Variants in DYNC2H1 observed in about 807,000 individuals in gnomAD.
The protein encoded by DYNC2H1 is cytoplasmic dynein 2 heavy chain 1.
A neutral mutation model predicts 570.0 loss-of-function variants in DYNC2H1; 410 were observed. The observed-to-expected ratio is 0.72, with a 90% CI of 0.66 to 0.78. The LOEUF (loss-of-function observed/expected upper bound fraction) is 0.78. Among genes scored for constraint, DYNC2H1 ranks in the 30% least tolerant of loss-of-function variants. DYNC2H1 has a pLI of 0.00. For synonymous variants in DYNC2H1, 1,688 were observed against 1,677.6 expected (o/e 1.01, Z -0.15); for missense variants, 4,865 against 5,046.4 (o/e 0.96, Z 1.09).
intron 84 of DYNC2H1, among the ~76,000 whole-genome samples, chr11:103,435,136 G>T (rs1944016585): frequency 6.6e-6 from 1 of 151,976 alleles, no homozygotes; most frequent in South Asian, 2.1e-4. Flanking sequence ...GTTTTCTAAG[G>T]TCCTTTCTAC....
intron 70 of DYNC2H1, among the ~76,000 whole-genome samples, chr11:103,279,351 A>G (rs1866038693): frequency 1.3e-5 from 2 of 152,160 alleles, no homozygotes; most frequent in African/African-American, 4.8e-5. Flanking sequence ...AGTTCTTTGT[A>G]AATATATTAT....
chr11:103,197,131 A>G (rs1339470843), intron 47 of DYNC2H1, among the ~76,000 whole-genome samples: 2 of 150,608 alleles, frequency 1.3e-5, no homozygotes, highest in Non-Finnish European at 3.0e-5. Context: ...AAATTTGGTC[A>G]GTTTTTTTTT....
chr11:103,151,678 T>C lies in DYNC2H1; in HGVS notation c.2947-458T>C, dbSNP rs1369066913. On this transcript the variant is annotated intron_variant, in intron 20 of 88. Coordinates refer to ENST00000375735, the MANE Select transcript of DYNC2H1 (RefSeq NM_001377.3). The surrounding 1 kb of genome is among the most constrained non-coding windows in gnomAD (Gnocchi z 4.6). Reference sequence around the variant, plus strand: ...TAATTTCACTTCTTTAGTTGTCTGTTTCTTAAGTACCTTTTTTCATGACTT... The same window carrying C: ...TAATTTCACTTCTTTAGTTGTCTGTCTCTTAAGTACCTTTTTTCATGACTT... Among the ~76,000 whole-genome samples the C allele has an allele frequency of 6.6e-6, 1 of 152,182 alleles. No individual in the cohort carries two copies. Among genetic ancestry groups the C allele is most frequent in the Non-Finnish European group, 1.5e-5 (1 of 68,034 alleles).
intron 70 of DYNC2H1, among the ~76,000 whole-genome samples, chr11:103,279,764 T>C (rs887478096): frequency 1.3e-5 from 2 of 152,212 alleles, no homozygotes; most frequent in African/African-American, 4.8e-5. Flanking sequence ...TTCTGTATTA[T>C]CTAACCTCAA....
chr11:103,121,105 C>A, intron 9 of DYNC2H1, 69 bp downstream of exon 9: 1 of 1,030,524 alleles, frequency 9.7e-7, no homozygotes, highest in Non-Finnish European at 1.4e-6. Context: ...TTCTTCGTTG[C>A]ATACCATTTA....
rs187444581 is a variant in DYNC2H1, at chr11:103,345,906, G to T, written c.12040-12337G>T. ...GGCAATTGTTATTAATAAAATTTCTGATTAGCTTTAGTTCTGTAAAAGTTA... is the reference window on the plus strand; with the variant it reads ...GGCAATTGTTATTAATAAAATTTCTTATTAGCTTTAGTTCTGTAAAAGTTA... On this transcript the variant is annotated intron_variant, in intron 82 of 88. Coordinates refer to ENST00000375735, the MANE Select transcript of DYNC2H1 (RefSeq NM_001377.3). Among the ~76,000 whole-genome samples, 4 of 152,234 alleles carry T rather than the reference G, an allele frequency of 2.6e-5. No individual in the cohort carries two copies. In the East Asian group the frequency reaches 7.7e-4, roughly 29 times the overall value.
chr11:103,405,124 C>G (rs922784415), intron 84 of DYNC2H1: 2 of 151,622 alleles, frequency 1.3e-5, no homozygotes, highest in African/African-American at 4.8e-5. Context: ...AGGATATAGA[C>G]TTCAGGGTGA....
chr11:103,412,297 G>T (rs954340323), intron 84 of DYNC2H1, among the ~76,000 whole-genome samples: 30 of 152,042 alleles, frequency 2.0e-4, no homozygotes, highest in Admixed American at 9.2e-4. Flanking sequence ...AGAGAATAAT[G>T]ACTTTTATTT....
chr11:103,174,518 G>C (rs1314925307), intron 36 of DYNC2H1, among the ~76,000 whole-genome samples: 1 of 152,112 alleles, frequency 6.6e-6, no homozygotes, highest in Non-Finnish European at 1.5e-5. Flanking sequence ...TCACCCAGTG[G>C]CTTGTTAAAA....
intron 84 of DYNC2H1, chr11:103,404,075 AATAATT>A (rs1478817333): frequency 1.3e-5 from 2 of 151,964 alleles, no homozygotes; most frequent in African/African-American, 4.8e-5. Context: ...TAATTAGGAA[AATAATT>A]ATAAGAGTAT....
intron 78 of DYNC2H1, among the ~76,000 whole-genome samples, chr11:103,310,673 CT>C (rs748144270): frequency 2.6e-5 from 1 of 39,124 alleles, no homozygotes; most frequent in African/African-American, 7.9e-5. Flanking sequence ...AGTGTATTTT[CT>C]TTTTTTTTTT....
At position 103,439,345 on chromosome 11, in the gene DYNC2H1, G is replaced by A. The variant is rs1256863711; in HGVS notation, c.12456+3313G>A. Among the ~76,000 whole-genome samples the A allele has an allele frequency of 1.3e-5, 2 of 151,934 alleles. No homozygotes were observed. The highest frequency in any genetic ancestry group is 2.9e-5 in the Non-Finnish European group (2 of 67,988). On this transcript the variant is annotated intron_variant, in intron 85 of 88. Transcript: ENST00000375735. This position sits in a 1 kb window ranked among gnomAD's most constrained non-coding sequence, Gnocchi z 4.1. ...GTTATACCAAAGTTATTGAAATTTT[G>A]TAAAAAAAATTAATAAAAAGTAAGC...
At chr11:103,314,772 GTTAGAGACAATTTTTA>G in intron 79 of DYNC2H1, among the ~76,000 whole-genome samples, 1 of 151,642 alleles carries the variant, frequency 6.6e-6, no homozygotes, top group East Asian at 1.9e-4. Context: ...CAATAGAATT[GTTAGAGACAATTTTTA>G]TTAGAGACAT....
Position 103,152,113 on chromosome 11 carries a change from G to GTTT in DYNC2H1, c.2947-12_2947-10dup, listed in dbSNP as rs10664799. On this transcript the variant is annotated intron_variant, in intron 20 of 88. Transcript: ENST00000375735. ...GATAAAATAGGTTGTTATTCAATTTGTTTTTTTTTTTTTAACCTTTAGATT... is the reference window on the plus strand; with the variant it reads ...GATAAAATAGGTTGTTATTCAATTTGTTTTTTTTTTTTTTTTAACCTTTAGATT... 0.049 allele frequency: 64,820 copies of GTTT among 1,330,394 alleles called. 17 individuals are homozygous for GTTT. The highest frequency in any genetic ancestry group is 0.052 in the Non-Finnish European group (50,593 of 979,342). The allele number at this position is 1,330,394 out of a possible 1,614,324, so 82.4% of individuals were successfully genotyped here. A position where few individuals can be genotyped will look rare whatever the true frequency, so the allele number is the denominator to read the frequency against.
chr11:103,143,417 C>T, intron 18 of DYNC2H1, 22 bp downstream of exon 18: 11 of 1,570,874 alleles, frequency 7.0e-6, no homozygotes, highest in Non-Finnish European at 9.5e-6. Context: ...TAATGTAGTA[C>T]TTACGTACCA....
chr11:103,110,451 A>T (rs1044367456), intron 1 of DYNC2H1, among the ~76,000 whole-genome samples: 1 of 149,784 alleles, frequency 6.7e-6, no homozygotes, highest in African/African-American at 2.5e-5. Flanking sequence ...TCTTTTTTGG[A>T]TCAGGCTCTG....
chr11:103,382,625 G>C (rs7949331), intron 83 of DYNC2H1, among the ~76,000 whole-genome samples: 99,705 of 151,962 alleles, frequency 0.66, 33,024 homozygotes, highest in Admixed American at 0.72. Context: ...ACCTTGGTTG[G>C]ATGAAAGCAT....
chr11:103,349,468 G>T lies in DYNC2H1; in HGVS notation c.12040-8775G>T, dbSNP rs1291024588. On this transcript the variant is annotated intron_variant, in intron 82 of 88. Transcript: ENST00000375735. ...TTGTTAGAGCCACTAATTATTCAGG[G>T]TGCGACAAAGTATCATCTCAAGGCA... Among the ~76,000 whole-genome samples, 4 of 151,940 alleles carry T rather than the reference G, an allele frequency of 2.6e-5. No homozygotes were observed. In the East Asian group the frequency reaches 7.7e-4, roughly 29 times the overall value.
At chr11:103,432,908 A>C (rs992929727) in intron 84 of DYNC2H1, among the ~76,000 whole-genome samples, 2 of 151,902 alleles carry the variant, frequency 1.3e-5, no homozygotes, top group Non-Finnish European at 2.9e-5. Flanking sequence ...ATTTCCTGCG[A>C]CTCTTTTTAC....
Sources: gnomAD v4.1 joint callset for allele counts (sites outside exome capture counted in the v4.1 genomes callset) on GRCh38, gnomAD v4.1.1 for gene constraint, Gnocchi (gnomAD v3.1) non-coding constraint, MANE v1.5 for transcripts, NCBI Gene and HGNC (gene_info 2026-07-23, HGNC 2026-07-21) for gene names.